The following STAG1 variants were observed in gnomAD, a reference collection of about 807,000 sequenced individuals.
STAG1 encodes the protein STAG1 cohesin complex component.
STAG1 carries 26 observed loss-of-function variants against 170.9 expected under a neutral mutation model. The ratio of observed to expected loss-of-function variants is 0.15; its 90% CI spans 0.11 to 0.21. The LOEUF (loss-of-function observed/expected upper bound fraction) is 0.21. Ranked by LOEUF, STAG1 falls within the 10% of genes least tolerant of loss-of-function variation. The pLI is 1.00. For missense variants in STAG1, 964 were observed against 1,509.5 expected (o/e 0.64, Z 5.99); for synonymous variants, 514 against 497.7 (o/e 1.03, Z -0.44).
At chr3:136,691,840 G>C (rs1350753417) in intron 1 of STAG1, among the ~76,000 whole-genome samples, 1 of 152,184 alleles carries the variant, frequency 6.6e-6, no homozygotes, top group Non-Finnish European at 1.5e-5. Flanking sequence ...ACATATCATA[G>C]TAAGGACAAG....
chr3:136,668,921 T>C (rs914597337), intron 1 of STAG1, among the ~76,000 whole-genome samples: 2 of 152,190 alleles, frequency 1.3e-5, no homozygotes, highest in African/African-American at 4.8e-5. Context: ...CCATTAAAAA[T>C]ATTAGAGGTC....
At position 136,557,293 on chromosome 3, in the gene STAG1, T is replaced by C. The variant is rs559571319; in HGVS notation, c.394+11472A>G. ...CCATCTAAGAGACCAATTAGCAGAA[T>C]AGAGAACCCAGAAAAAGACTCTCCT... On this transcript the variant is annotated intron_variant, in intron 5 of 33. Transcript: ENST00000383202. 6.6e-5 allele frequency among the ~76,000 whole-genome samples: 10 copies of C among 152,174 alleles called. No individual in the cohort carries two copies. The East Asian group carries it at 1.9e-3, about 29-fold the overall frequency.
intron 9 of STAG1, among the ~76,000 whole-genome samples, chr3:136,488,717 G>T (rs919549591): frequency 4.6e-5 from 7 of 152,120 alleles, no homozygotes; most frequent in African/African-American, 1.7e-4. Flanking sequence ...TTATATATTT[G>T]CTTTCTTGCT....
At chr3:136,591,231 AGAAGGGAGGGAGGGAGGGAG>A (rs1158000121) in intron 4 of STAG1, among the ~76,000 whole-genome samples, 22 of 136,138 alleles carry the variant, frequency 1.6e-4, no homozygotes, top group African/African-American at 5.7e-4. Flanking sequence ...AAAAAAAAAA[AGAAGGGAGGGAGGGAGGGAG>A]GAAGGGAGGA....
At chr3:136,604,961 A>G (rs1435542674) in intron 3 of STAG1, among the ~76,000 whole-genome samples, 1 of 152,146 alleles carries the variant, frequency 6.6e-6, no homozygotes, top group Admixed American at 6.6e-5. Context: ...ATGTTTTAAA[A>G]ATTGCTTTAG....
intron 1 of STAG1, among the ~76,000 whole-genome samples, chr3:136,663,508 G>C (rs143057592): frequency 5.3e-5 from 8 of 152,288 alleles, no homozygotes; most frequent in Admixed American, 2.0e-4. Flanking sequence ...CCAGAGATAA[G>C]GGGAATGAAA....
At chr3:136,627,158 C>G (rs1169425300) in intron 2 of STAG1, among the ~76,000 whole-genome samples, 2 of 152,194 alleles carry the variant, frequency 1.3e-5, no homozygotes, top group African/African-American at 4.8e-5. Flanking sequence ...TCAGCTTAAA[C>G]AGTGAGAACT....
At chr3:136,743,737 GAA>G (rs2107954099) in intron 1 of STAG1, among the ~76,000 whole-genome samples, 1 of 152,132 alleles carries the variant, frequency 6.6e-6, no homozygotes, top group African/African-American at 2.4e-5. Context: ...CCTTTTTTAT[GAA>G]GCCATCATAA....
At chr3:136,549,876 A>G (rs189898303) in intron 5 of STAG1, among the ~76,000 whole-genome samples, 5 of 152,242 alleles carry the variant, frequency 3.3e-5, no homozygotes, top group Admixed American at 6.5e-5. Context: ...TTCTTTTAAC[A>G]TGAAAAGGGT....
intron 1 of STAG1, among the ~76,000 whole-genome samples, chr3:136,747,074 C>A (rs1934970023): frequency 9.5e-6 from 1 of 104,838 alleles, no homozygotes; most frequent in Non-Finnish European, 1.8e-5. Flanking sequence ...CCAGCCTGGG[C>A]AACAAGAGTG....
chr3:136,682,071 A>G (rs1013796618), intron 1 of STAG1, among the ~76,000 whole-genome samples: 4 of 152,228 alleles, frequency 2.6e-5, no homozygotes, highest in Non-Finnish European at 5.9e-5. Flanking sequence ...ATTTTAAAAA[A>G]AAGAAATAAA....
In STAG1 at chr3:136,398,765, T is replaced by A. The variant is rs747006683; in HGVS notation, c.2261A>T (p.Asp754Val). 1 of 1,603,214 alleles carries A rather than the reference T, an allele frequency of 6.2e-7. No homozygotes were observed. Among genetic ancestry groups the A allele is most frequent in the Admixed American group, 1.7e-5 (1 of 59,168 alleles). ...SILWQLVKIT[D>V]GSPSKEDLLV... is the part of the protein sequence containing the mutation. Reference sequence around the variant, plus strand: ...CTTACTTACTTTGGAAGGAGAGCCATCAGTAATTTTCACCAACTGCCAAAG... The same window carrying A: ...CTTACTTACTTTGGAAGGAGAGCCAACAGTAATTTTCACCAACTGCCAAAG... The change falls in exon 22 of 34, where the codon GAT (aspartate) becomes GTT (valine). Residue 754 changes from aspartate to valine, a missense_variant. Asp to Val is a radical substitution (Grantham distance 152). Coordinates refer to ENST00000383202, the MANE Select transcript of STAG1 (RefSeq NM_005862.3).
At position 136,535,683 on chromosome 3, in the gene STAG1, CA is replaced by C. The variant is rs544451022; in HGVS notation, c.471+6435del. The stretch of plus-strand genomic sequence containing the variant: ...GTCTCAAAACAAACAAACAAGTAAA[CA>C]AACAAAACAAAAGCTAGGAGAGGAC... On this transcript the variant is annotated intron_variant, in intron 6 of 33. Transcript: ENST00000383202. 2.0e-5 allele frequency among the ~76,000 whole-genome samples: 3 copies of C among 152,180 alleles called. No homozygotes were observed. In the East Asian group the frequency reaches 5.8e-4, roughly 29 times the overall value.
chr3:136,340,656 A>C (rs751600340), intron 31 of STAG1, 51 bp from the exon 32 acceptor site: 6 of 1,194,604 alleles, frequency 5.0e-6, no homozygotes, highest in Non-Finnish European at 1.3e-6. Flanking sequence ...CACCATTTGG[A>C]GTCCTGGCTG....
intron 1 of STAG1, among the ~76,000 whole-genome samples, chr3:136,693,035 G>A (rs1298232356): frequency 6.6e-6 from 1 of 152,232 alleles, no homozygotes; most frequent in Non-Finnish European, 1.5e-5. Flanking sequence ...GAAGAGTCCA[G>A]TGAACTATCC....
intron 4 of STAG1, chr3:136,586,691 A>G (rs1937845485): frequency 6.6e-6 from 2 of 302,776 alleles, no homozygotes; most frequent in Non-Finnish European, 1.3e-5. Context: ...CAAAAGCAAA[A>G]TATTTACTGC....
At chr3:136,511,421 T>C (rs1362137212) in intron 7 of STAG1, among the ~76,000 whole-genome samples, 2 of 152,086 alleles carry the variant, frequency 1.3e-5, no homozygotes, top group African/African-American at 4.8e-5. Context: ...GGTAGACTGG[T>C]TAAAGAAAAT....
chr3:136,352,803 C>A (rs1936486785), intron 28 of STAG1, among the ~76,000 whole-genome samples: 1 of 152,036 alleles, frequency 6.6e-6, no homozygotes, highest in South Asian at 2.1e-4. Flanking sequence ...TGTAAGTATT[C>A]TGCGTGTTAA....
At chr3:136,433,707 A>C in intron 15 of STAG1, 48 bp from the exon 16 acceptor site, 1 of 1,262,466 alleles carries the variant, frequency 7.9e-7, no homozygotes. Flanking sequence ...TTTTACAACA[A>C]CCATGTATTA....
Sources: gnomAD v4.1 joint callset for allele counts (sites outside exome capture counted in the v4.1 genomes callset) on GRCh38, gnomAD v4.1.1 for gene constraint, MANE v1.5 for transcripts, NCBI Gene and HGNC (gene_info 2026-07-23, HGNC 2026-07-21) for gene names.